The following ASAP1 variants were observed in gnomAD, a reference collection of about 807,000 sequenced individuals.
The protein encoded by ASAP1 is arf-GAP with SH3 domain, ANK repeat and PH domain-containing protein 1.
ASAP1 carries 43 observed loss-of-function variants against 145.2 expected under a neutral mutation model. The observed-to-expected ratio is 0.30, with a 90% CI of 0.23 to 0.38. The LOEUF (loss-of-function observed/expected upper bound fraction) is 0.38, where lower values mean the gene tolerates loss of function less well. Among genes scored for constraint, ASAP1 ranks in the 10% least tolerant of loss-of-function variants. The probability of loss-of-function intolerance (pLI) is 1.00; values close to 1 mark genes in which losing one functional copy is unlikely to be tolerated. For missense variants in ASAP1, 1,018 were observed against 1,355.3 expected, an observed-to-expected ratio of 0.75 and a Z score of 3.91; for synonymous variants, 546 against 515.5, an observed-to-expected ratio of 1.06 and a Z score of -0.80.
intron 3 of ASAP1, among the ~76,000 whole-genome samples, chr8:130,245,154 T>C (rs1403522036): frequency 4.6e-5 from 7 of 152,124 alleles, no homozygotes; most frequent in Admixed American, 2.0e-4. Context: ...TATGAGTTGA[T>C]TGAGGCTGCC....
intron 27 of ASAP1, among the ~76,000 whole-genome samples, chr8:130,074,387 G>C (rs1012507829): frequency 6.6e-6 from 1 of 151,444 alleles, no homozygotes; most frequent in Non-Finnish European, 1.5e-5. Flanking sequence ...ATACTATTCT[G>C]TGTCTTTTTT....
At chr8:130,198,538 T>C (rs1350550270) in intron 5 of ASAP1, among the ~76,000 whole-genome samples, 1 of 152,200 alleles carries the variant, frequency 6.6e-6, no homozygotes, top group Admixed American at 6.5e-5. Context: ...CAGCCCATTA[T>C]ACTGTGTTCT....
chr8:130,274,072 G>C (rs890129417), intron 3 of ASAP1, among the ~76,000 whole-genome samples: 5 of 152,160 alleles, frequency 3.3e-5, no homozygotes, highest in African/African-American at 1.2e-4. Flanking sequence ...GGTAATGTTT[G>C]CAATAAATTC....
intron 5 of ASAP1, among the ~76,000 whole-genome samples, chr8:130,190,793 G>A (rs532247598): frequency 6.6e-6 from 1 of 152,292 alleles, no homozygotes; most frequent in African/African-American, 2.4e-5. Context: ...TGGGATTACA[G>A]ACGTGAGCCA....
At chr8:130,248,365 T>G (rs901717075) in intron 3 of ASAP1, among the ~76,000 whole-genome samples, 1 of 151,862 alleles carries the variant, frequency 6.6e-6, no homozygotes, top group African/African-American at 2.4e-5. Context: ...CAAGGTGGAG[T>G]AGACAGAGAA....
chr8:130,286,610 A>T (rs1821629334), intron 3 of ASAP1, among the ~76,000 whole-genome samples: 1 of 152,144 alleles, frequency 6.6e-6, no homozygotes, highest in South Asian at 2.1e-4. Context: ...TGAGGGTTTA[A>T]TGAGTTAAAC....
intron 14 of ASAP1, among the ~76,000 whole-genome samples, chr8:130,136,267 G>A (rs1565002259): frequency 6.6e-6 from 1 of 152,080 alleles, no homozygotes; most frequent in Non-Finnish European, 1.5e-5. Context: ...ACACTATGAG[G>A]GCACAGGCTA....
chr8:130,338,897 T>C (rs1255479469), intron 3 of ASAP1, among the ~76,000 whole-genome samples: 2 of 152,248 alleles, frequency 1.3e-5, no homozygotes, highest in Admixed American at 1.3e-4. Flanking sequence ...TGCTGGGCTC[T>C]TTCTGCACAC....
intron 15 of ASAP1, among the ~76,000 whole-genome samples, chr8:130,131,895 C>T (rs1274907450): frequency 1.3e-5 from 2 of 152,134 alleles, no homozygotes; most frequent in African/African-American, 2.4e-5. Flanking sequence ...GGCAGGACAC[C>T]AATCTCTTAA....
chr8:130,190,515 T>G (rs1421826930), intron 5 of ASAP1, among the ~76,000 whole-genome samples: 2 of 151,802 alleles, frequency 1.3e-5, no homozygotes, highest in African/African-American at 4.9e-5. Context: ...ATTTATGCAT[T>G]TATTTTTATT....
intron 3 of ASAP1, among the ~76,000 whole-genome samples, chr8:130,256,742 TA>T (rs1819547890): frequency 4.1e-5 from 1 of 24,372 alleles, no homozygotes; most frequent in African/African-American, 1.5e-4. Context: ...CACATTCTTA[TA>T]TATATATATA....
chr8:130,088,003 G>C (rs1312875766), intron 25 of ASAP1, among the ~76,000 whole-genome samples: 2 of 152,152 alleles, frequency 1.3e-5, no homozygotes, highest in Non-Finnish European at 2.9e-5. Context: ...GGGGTCAGAG[G>C]ACAAGCTGTG....
chr8:130,085,601 T>A (rs1020737866), intron 25 of ASAP1, among the ~76,000 whole-genome samples: 2 of 151,692 alleles, frequency 1.3e-5, no homozygotes, highest in African/African-American at 4.8e-5. Context: ...GGGTGTGGTG[T>A]GACGCACCCA....
At chr8:130,346,387 C>T (rs1220224610) in intron 3 of ASAP1, among the ~76,000 whole-genome samples, 4 of 152,236 alleles carry the variant, frequency 2.6e-5, no homozygotes, top group African/African-American at 7.2e-5. Context: ...CTACATATCT[C>T]ATGTCTCAGC....
chr8:130,333,886 G>A (rs1824860549), intron 3 of ASAP1, among the ~76,000 whole-genome samples: 1 of 152,220 alleles, frequency 6.6e-6, no homozygotes, highest in Admixed American at 6.5e-5. Flanking sequence ...GAGACTCACA[G>A]CCATCAGGGA....
At chr8:130,073,407 A>G (rs1405790960) in intron 27 of ASAP1, among the ~76,000 whole-genome samples, 1 of 150,768 alleles carries the variant, frequency 6.6e-6, no homozygotes, top group Non-Finnish European at 1.5e-5. Flanking sequence ...AAAAAAAAAC[A>G]AATACAAATG....
intron 3 of ASAP1, among the ~76,000 whole-genome samples, chr8:130,313,434 T>C (rs1823476345): frequency 1.3e-5 from 2 of 152,246 alleles, no homozygotes; most frequent in South Asian, 2.1e-4. Context: ...AACTGCTATT[T>C]TGCTGTGCAA....
intron 15 of ASAP1, among the ~76,000 whole-genome samples, chr8:130,131,435 C>T (rs1345957149): frequency 1.3e-5 from 2 of 151,880 alleles, no homozygotes; most frequent in Non-Finnish European, 2.9e-5. Context: ...TCCTACAGCA[C>T]TCAAAACAAA....
chr8:130,151,964 T>C (rs2097647388), intron 13 of ASAP1, among the ~76,000 whole-genome samples: 1 of 152,260 alleles, frequency 6.6e-6, no homozygotes, highest in South Asian at 2.1e-4. Context: ...AAGGTTATTA[T>C]ACCACATGGG....
Sources: gnomAD v4.1 joint callset for allele counts (sites outside exome capture counted in the v4.1 genomes callset) on GRCh38, gnomAD v4.1.1 for gene constraint, MANE v1.5 for transcripts, NCBI Gene and HGNC (gene_info 2026-07-23, HGNC 2026-07-21) for gene names.